The following OXA1L variants were observed in gnomAD, a reference collection of about 807,000 sequenced individuals.
OXA1L encodes the protein OXA1L mitochondrial inner membrane insertase, also known as mitochondrial inner membrane protein OXA1L.
In OXA1L, 42 loss-of-function variants were observed where a neutral mutation model predicts 52.2. The observed-to-expected ratio is 0.80, with a 90% confidence interval of 0.63 to 1.04. The LOEUF (loss-of-function observed/expected upper bound fraction) is 1.04, where lower values mean the gene tolerates loss of function less well. Ranked by LOEUF, OXA1L falls within the 50% of genes least tolerant of loss-of-function variation. The probability of loss-of-function intolerance (pLI) is 0.00; values close to 1 mark genes in which losing one functional copy is unlikely to be tolerated. For missense variants in OXA1L, 572 were observed against 555.0 expected (o/e 1.03, Z -0.31); for synonymous variants, 239 against 201.9 (o/e 1.18, Z -1.56).
In OXA1L at chr14:22,771,459, C is replaced by T. The variant is rs114287165; in HGVS notation, c.1209C>T (p.His403=). The change falls in exon 10 of 10, where the codon CAC becomes CAT. Residue 403 remains histidine, a synonymous_variant. Transcript: ENST00000612549. ...ARGPLRQTFT[H]NPLLQPGKDN... ...GTCCTTTACGACAGACCTTTACCCA[C>T]AACCCTCTCCTACAACCTGGAAAGG... The T allele has an allele frequency of 1.2e-4, 199 of 1,614,174 alleles. 1 individual carries two copies. The African/African-American group carries it at 2.4e-3, about 19-fold the overall frequency.
At chr14:22,767,459 G>C (rs1387433408) in intron 2 of OXA1L, 50 bp downstream of exon 2, 1 of 1,522,834 alleles carries the variant, frequency 6.6e-7, no homozygotes, top group East Asian at 2.3e-5. Context: ...TTCCTGGTTG[G>C]TTTCATATTT....
At chr14:22,768,198 G>A (rs1281736817) in intron 3 of OXA1L, 27 bp downstream of exon 3, 3 of 1,571,886 alleles carry the variant, frequency 1.9e-6, no homozygotes, top group Non-Finnish European at 2.6e-6. Context: ...CTGGACATGG[G>A]TTAGGGATTT....
intron 3 of OXA1L, 120 bp from the exon 4 acceptor site, chr14:22,769,671 C>A: frequency 9.8e-7 from 1 of 1,018,260 alleles, no homozygotes; most frequent in Non-Finnish European, 1.5e-6. Context: ...GCCTCTTAGG[C>A]ATGAGTCATA....
rs771026390 is a variant in OXA1L, at chr14:22,766,697, G to T, written c.-5G>T. The T allele has an allele frequency of 6.2e-7, 1 of 1,614,270 alleles. No homozygotes were observed. Among genetic ancestry groups the T allele is most frequent in the Non-Finnish European group, 8.5e-7 (1 of 1,180,042 alleles). On this transcript the variant is annotated 5_prime_UTR_variant, in exon 1 of 10. Coordinates refer to ENST00000612549, the MANE Select transcript of OXA1L (RefSeq NM_005015.5). ...GGCGCAAAAGCAAGTCCTCTTCCGG[G>T]CAAAATGGCGATGGGACTAATGTGC...
intron 3 of OXA1L, 135 bp downstream of exon 3, chr14:22,768,306 C>T: frequency 1.5e-6 from 1 of 667,922 alleles, no homozygotes; most frequent in Non-Finnish European, 2.7e-6. Flanking sequence ...AATAGAGGTT[C>T]ATGATACCTA....
At chr14:22,768,309 G>A in intron 3 of OXA1L, 138 bp downstream of exon 3, 1 of 656,786 alleles carries the variant, frequency 1.5e-6, no homozygotes, top group Non-Finnish European at 2.7e-6. Flanking sequence ...AGAGGTTCAT[G>A]ATACCTAGAT....
At position 22,772,308 on chromosome 14, in the gene OXA1L, C is replaced by G. The variant is rs575600852; in HGVS notation, c.*750C>G. Reference sequence around the variant, plus strand: ...GACCATCCTGGCCAACATGGTGAAACCCCGTCTCTACTAAAAAAAAAAAAA... The same window carrying G: ...GACCATCCTGGCCAACATGGTGAAAGCCCGTCTCTACTAAAAAAAAAAAAA... On this transcript the variant is annotated 3_prime_UTR_variant, in exon 10 of 10. Coordinates refer to ENST00000612549, the MANE Select transcript of OXA1L (RefSeq NM_005015.5). The G allele has an allele frequency of 1.5e-5, 2 of 136,346 alleles. No homozygotes were observed. The highest frequency in any genetic ancestry group is 2.3e-4 in the East Asian group (1 of 4,300). 8.4% of individuals were successfully genotyped at this position (136,346 alleles called of 1,614,324 possible).
At chr14:22,770,951 A>AC in intron 7 of OXA1L, 42 bp downstream of exon 7, 3 of 1,612,112 alleles carry the variant, frequency 1.9e-6, no homozygotes, top group South Asian at 2.2e-5. Flanking sequence ...CCTTCTGCCT[A>AC]GCCTAGCCAC....
In OXA1L at chr14:22,771,667, A is replaced by G. The variant is rs953625025; in HGVS notation, c.*109A>G. 4.4e-6 allele frequency: 5 copies of G among 1,129,738 alleles called. No individual in the cohort carries two copies. The highest frequency in any genetic ancestry group is 6.5e-6 in the Non-Finnish European group (5 of 767,854). 70.0% of individuals were successfully genotyped at this position (1,129,738 alleles called of 1,614,324 possible). On this transcript the variant is annotated 3_prime_UTR_variant, in exon 10 of 10. Transcript: ENST00000612549. ...CCCAGTCCTAGGAACTGTGGCACAC[A>G]GAGATGTTCATTTTAAAAACGGATT...
chr14:22,770,785 C>A lies in OXA1L; in HGVS notation c.835-20C>A. The A allele has an allele frequency of 1.2e-6, 2 of 1,608,358 alleles. No individual in the cohort carries two copies. The highest frequency in any genetic ancestry group is 1.7e-6 in the Non-Finnish European group (2 of 1,174,816). ...AAACTGACAGCTTTCCCGACTTTTC[C>A]ACCCCACTTCTTTTGGCAGCTAGGT... On this transcript the variant is annotated intron_variant, in intron 6 of 9. Coordinates refer to ENST00000612549, the MANE Select transcript of OXA1L (RefSeq NM_005015.5).
intron 2 of OXA1L, 84 bp downstream of exon 2, chr14:22,767,493 A>C (rs374597911): frequency 8.2e-7 from 1 of 1,225,628 alleles, no homozygotes; most frequent in Non-Finnish European, 1.1e-6. Flanking sequence ...AGCAGGGGGA[A>C]TATGGAGCAG....
chr14:22,766,979 G>A (rs894525287), intron 1 of OXA1L: 6 of 1,529,642 alleles, frequency 3.9e-6, no homozygotes, highest in Non-Finnish European at 5.2e-6. Flanking sequence ...TTGGCTCCTG[G>A]CGAGAGCACC....
chr14:22,771,272 GA>G lies in OXA1L; in HGVS notation c.1112del (p.Asn371MetfsTer4). 1.2e-6 allele frequency: 2 copies of G among 1,614,128 alleles called. No homozygotes were observed. The highest frequency in any genetic ancestry group is 1.7e-5 in the Admixed American group (1 of 60,020). The part of the protein sequence containing the change: ...GFLESFKKGW[K>X]NAEMTRQLRE... ...CTCTTGCTTCTCTTTACACAGGCTGGAAAAATGCTGAAATGACGCGTCAGCT... is the reference window on the plus strand; with the variant it reads ...CTCTTGCTTCTCTTTACACAGGCTGGAAAATGCTGAAATGACGCGTCAGCT... On this transcript the variant is annotated frameshift_variant, in exon 9 of 10. Coordinates refer to ENST00000612549, the MANE Select transcript of OXA1L (RefSeq NM_005015.5). LOFTEE classifies it high-confidence loss of function.
Position 22,768,256 on chromosome 14 carries a change from G to A in OXA1L, c.439+85G>A, listed in dbSNP as rs569975471. Reference sequence around the variant, plus strand: ...TGAATGGATTCAGGAAGTAGTTGCAGAAGCTCTGGGGTCAGAAGAGCAGAT... The same window carrying A: ...TGAATGGATTCAGGAAGTAGTTGCAAAAGCTCTGGGGTCAGAAGAGCAGAT... On this transcript the variant is annotated intron_variant, in intron 3 of 9. Transcript: ENST00000612549. The A allele has an allele frequency of 1.1e-4, 117 of 1,057,828 alleles. No homozygotes were observed. The African/African-American group carries it at 1.6e-3, about 15-fold the overall frequency. The allele number at this position is 1,057,828 out of a possible 1,614,324, so 65.5% of individuals were successfully genotyped here.
intron 1 of OXA1L, 43 bp from the exon 2 acceptor site, chr14:22,767,205 C>A (rs777468624): frequency 1.3e-6 from 2 of 1,579,402 alleles, no homozygotes; most frequent in Admixed American, 1.8e-5. Context: ...GCGAGGACTT[C>A]TGCTCCCGGT....
intron 7 of OXA1L, 33 bp from the exon 8 acceptor site, chr14:22,770,985 G>C: frequency 6.2e-7 from 1 of 1,613,952 alleles, no homozygotes; most frequent in Non-Finnish European, 8.5e-7. Context: ...CAGGGATACA[G>C]CTTCTGAGTC....
chr14:22,768,911 T>C (rs960928858), intron 3 of OXA1L: 3 of 152,114 alleles, frequency 2.0e-5, no homozygotes, highest in Non-Finnish European at 1.5e-5. Context: ...AATTACACTT[T>C]TATTTTATTT....
chr14:22,772,488 C>CAAAAAAAAAAAAAAAAAAAAAA lies in OXA1L; in HGVS notation c.*940_*961dup, dbSNP rs56136068. 3 of 76,002 alleles carry CAAAAAAAAAAAAAAAAAAAAAA rather than the reference C, an allele frequency of 3.9e-5. No homozygotes were observed. The highest frequency in any genetic ancestry group is 1.3e-4 in the African/African-American group (2 of 15,980). The allele number at this position is 76,002 out of a possible 1,614,324, so 4.7% of individuals were successfully genotyped here. The stretch of plus-strand genomic sequence containing the variant: ...TGGGCAAGAGAGTGAGACTCCTTCT[C>CAAAAAAAAAAAAAAAAAAAAAA]AAAAAAAAAAAAAAAAAAAAAAAAA... On this transcript the variant is annotated 3_prime_UTR_variant, in exon 10 of 10. Coordinates refer to ENST00000612549, the MANE Select transcript of OXA1L (RefSeq NM_005015.5).
intron 4 of OXA1L, 113 bp from the exon 5 acceptor site, chr14:22,770,080 C>G: frequency 7.4e-7 from 1 of 1,354,206 alleles, no homozygotes. Flanking sequence ...CCTAATGCTC[C>G]CAAGGAGTGG....
Sources: gnomAD v4.1 joint callset for allele counts on GRCh38, gnomAD v4.1.1 for gene constraint, MANE v1.5 for transcripts, NCBI Gene and HGNC (gene_info 2026-07-23, HGNC 2026-07-21) for gene names.